ATP6V1A: variants seen among roughly 807,000 people sequenced by gnomAD.
The protein encoded by ATP6V1A is ATPase H+ transporting V1 subunit A.
In ATP6V1A, 18 loss-of-function variants were observed where a neutral mutation model predicts 70.1. The observed-to-expected ratio is 0.26, with a 90% CI of 0.18 to 0.38. ATP6V1A has a LOEUF of 0.38. Ranked by LOEUF, ATP6V1A falls within the 10% of genes least tolerant of loss-of-function variation. The pLI is 1.00. For missense variants in ATP6V1A, 424 were observed against 772.4 expected, an observed-to-expected ratio of 0.55 and a Z score of 5.35; for synonymous variants, 232 against 253.8, an observed-to-expected ratio of 0.91 and a Z score of 0.82.
chr3:113,771,530 C>T (rs138204289), intron 1 of ATP6V1A, among the ~76,000 whole-genome samples: 4,780 of 150,400 alleles, frequency 0.032, 102 homozygotes, highest in Middle Eastern at 0.094. Flanking sequence ...CTCCGCCTCC[C>T]GGGTTCAGGC....
At chr3:113,801,779 G>A (rs922978455) in intron 12 of ATP6V1A, among the ~76,000 whole-genome samples, 1 of 152,030 alleles carries the variant, frequency 6.6e-6, no homozygotes, top group Non-Finnish European at 1.5e-5. Context: ...AAAGACACAA[G>A]TAAGAAGTTT....
chr3:113,796,491 A>G (rs578114505), intron 11 of ATP6V1A, among the ~76,000 whole-genome samples: 79 of 152,290 alleles, frequency 5.2e-4, no homozygotes, highest in African/African-American at 5.3e-4. Flanking sequence ...CACTCATTCT[A>G]TTAGCCACAT....
chr3:113,796,684 G>GA (rs1709156068), intron 11 of ATP6V1A, among the ~76,000 whole-genome samples: 1 of 152,108 alleles, frequency 6.6e-6, no homozygotes, highest in Non-Finnish European at 1.5e-5. Flanking sequence ...ATTCATGTGG[G>GA]AAAAACAGAA....
intron 12 of ATP6V1A, 171 bp from the exon 13 acceptor site, chr3:113,803,412 T>C (rs1709237770): frequency 1.7e-6 from 1 of 588,710 alleles, no homozygotes; most frequent in Admixed American, 3.1e-5. Context: ...TTATGTTACA[T>C]GCCTTTTAAC....
chr3:113,759,834 A>G (rs1708682641), intron 1 of ATP6V1A, among the ~76,000 whole-genome samples: 2 of 152,178 alleles, frequency 1.3e-5, no homozygotes, highest in Non-Finnish European at 2.9e-5. Flanking sequence ...TCACTGAACA[A>G]TATTTAGTAA....
intron 14 of ATP6V1A, among the ~76,000 whole-genome samples, chr3:113,807,272 C>T (rs982503383): frequency 6.6e-6 from 1 of 151,642 alleles, no homozygotes; most frequent in Non-Finnish European, 1.5e-5. Flanking sequence ...CTCCCCCTCC[C>T]AGGTTCAAGC....
rs776932053 is a variant in ATP6V1A at position 113,805,433 on chromosome 3, A to T, written c.1669A>T (p.Thr557Ser). ...FYDMARRAVE[T>S]TAQSDNKITW... is the part of the protein sequence containing the mutation. The stretch of plus-strand genomic sequence containing the variant: ...TGATATGGCTCGTAGAGCTGTTGAA[A>T]CCACTGCCCAGAGTGACAATAAAAT... The change falls in exon 14 of 15, where the codon ACC becomes TCC. Residue 557 changes from threonine (T) to serine (S), a missense_variant. Thr to Ser is a moderately conservative substitution (Grantham distance 58). Around this residue, in one of 9 missense-constraint regions of ATP6V1A, gnomAD observed 127 missense variants for 207.9 expected, o/e 0.61. Coordinates refer to ENST00000273398, the MANE Select transcript of ATP6V1A (RefSeq NM_001690.4). The T allele has an allele frequency of 4.3e-6, 7 of 1,613,828 alleles. No homozygotes were observed. In the Admixed American group the frequency reaches 1.2e-4, roughly 27 times the overall value.
intron 12 of ATP6V1A, among the ~76,000 whole-genome samples, chr3:113,802,530 T>C (rs1359568264): frequency 6.6e-6 from 1 of 152,142 alleles, no homozygotes; most frequent in African/African-American, 2.4e-5. Flanking sequence ...GGTTTCCCCA[T>C]GTTGTCCAAA....
intron 5 of ATP6V1A, among the ~76,000 whole-genome samples, chr3:113,785,226 G>A (rs1244382955): frequency 2.0e-5 from 3 of 152,148 alleles, no homozygotes; most frequent in Admixed American, 6.5e-5. Flanking sequence ...CAGAGCACAA[G>A]GTCAGGAGAT....
intron 1 of ATP6V1A, among the ~76,000 whole-genome samples, chr3:113,776,319 G>A (rs554171090): frequency 5.9e-5 from 9 of 152,234 alleles, no homozygotes; most frequent in Admixed American, 2.0e-4. Context: ...GCAGTGAGCC[G>A]TGATCACGCC....
chr3:113,760,956 A>C, intron 1 of ATP6V1A, among the ~76,000 whole-genome samples: 1 of 151,942 alleles, frequency 6.6e-6, no homozygotes, highest in East Asian at 1.9e-4. Context: ...GGTCTCAGCT[A>C]TTCGGGAGGC....
At chr3:113,755,814 C>A (rs1708641884) in intron 1 of ATP6V1A, among the ~76,000 whole-genome samples, 1 of 152,152 alleles carries the variant, frequency 6.6e-6, no homozygotes, top group Non-Finnish European at 1.5e-5. Context: ...TTCTTTTCTT[C>A]CCCCATATAT....
At chr3:113,762,746 CATT>C (rs1040738356) in intron 1 of ATP6V1A, among the ~76,000 whole-genome samples, 4 of 152,028 alleles carry the variant, frequency 2.6e-5, no homozygotes, top group East Asian at 3.9e-4. Context: ...TAAGAAATTT[CATT>C]ATTATTATTA....
chr3:113,800,205 CTGGG>C (rs1709195569), intron 12 of ATP6V1A, among the ~76,000 whole-genome samples: 1 of 149,552 alleles, frequency 6.7e-6, no homozygotes, highest in Admixed American at 6.7e-5. Flanking sequence ...GCACTCTAGC[CTGGG>C]TGACAGAGTG....
intron 1 of ATP6V1A, among the ~76,000 whole-genome samples, chr3:113,772,516 A>G (rs376087457): frequency 6.6e-6 from 1 of 152,186 alleles, no homozygotes; most frequent in East Asian, 1.9e-4. Flanking sequence ...TCATGAGGTC[A>G]GGAGATCGAG....
chr3:113,775,132 A>G (rs1577086389), intron 1 of ATP6V1A, among the ~76,000 whole-genome samples: 1 of 152,032 alleles, frequency 6.6e-6, no homozygotes, highest in African/African-American at 2.4e-5. Flanking sequence ...GTGAGATAGT[A>G]TTTCTAAAAA....
intron 8 of ATP6V1A, among the ~76,000 whole-genome samples, chr3:113,792,991 C>G (rs1266222058): frequency 6.6e-6 from 1 of 152,028 alleles, no homozygotes; most frequent in Non-Finnish European, 1.5e-5. Flanking sequence ...TGTTCATTTT[C>G]CTTTTGGATG....
intron 11 of ATP6V1A, among the ~76,000 whole-genome samples, chr3:113,797,126 A>G (rs1346967445): frequency 1.3e-5 from 2 of 152,014 alleles, no homozygotes; most frequent in East Asian, 3.8e-4. Context: ...TAATAGAGAC[A>G]ATATTTCACT....
chr3:113,796,054 G>A, intron 11 of ATP6V1A, 115 bp downstream of exon 11: 3 of 877,858 alleles, frequency 3.4e-6, no homozygotes, highest in Non-Finnish European at 5.1e-6. Context: ...GTCTCTAAAG[G>A]ATAGGCAATG....
Sources: allele counts gnomAD v4.1 joint callset (sites outside exome capture counted in the v4.1 genomes callset), GRCh38; gene constraint gnomAD v4.1.1; regional missense constraint gnomAD v4.1.1; transcripts MANE v1.5; gene names NCBI Gene and HGNC (gene_info 2026-07-23, HGNC 2026-07-21).